Variants in ANK2 observed in about 807,000 individuals in gnomAD.
ANK2 encodes ankyrin-2.
A neutral mutation model predicts 360.5 loss-of-function variants in ANK2; 83 were observed. The ratio of observed to expected loss-of-function variants is 0.23; its 90% CI spans 0.19 to 0.28. The LOEUF is 0.28. ANK2 is among the 10% of genes least tolerant of loss of function. ANK2 has a pLI of 1.00. For synonymous variants in ANK2, 1,740 were observed against 1,759.5 expected (o/e 0.99, Z 0.28); for missense variants, 4,201 against 4,795.7 (o/e 0.88, Z 3.66).
At chr4:113,191,746 T>G (rs2098668431) in intron 2 of ANK2, among the ~76,000 whole-genome samples, 1 of 152,230 alleles carries the variant, frequency 6.6e-6, no homozygotes, top group African/African-American at 2.4e-5. Context: ...CATTGTTTGA[T>G]ACTCTTAAAT....
chr4:113,225,326 T>C (rs2099204551), intron 4 of ANK2, among the ~76,000 whole-genome samples: 1 of 152,192 alleles, frequency 6.6e-6, no homozygotes, highest in South Asian at 2.1e-4. Flanking sequence ...AGATGTATTC[T>C]GTGAATTGTC....
the ANK2 span, among the ~76,000 whole-genome samples, chr4:112,779,375 C>G: frequency 6.6e-6 from 1 of 152,072 alleles, no homozygotes; most frequent in Non-Finnish European, 1.5e-5. Context: ...AAAAATTAGC[C>G]GGGCGTGGTG....
rs58588518 is a variant in ANK2 at position 113,366,391 on chromosome 4, CT to C, written c.11033-1152del. On this transcript the variant is annotated intron_variant, in intron 41 of 45. Transcript: ENST00000357077. ...TTAAATTTCATGACATTCTTGCTTCCTTTTTTTTTTTTTTTTTTTTTTTAAC... is the reference window on the plus strand; with the variant it reads ...TTAAATTTCATGACATTCTTGCTTCCTTTTTTTTTTTTTTTTTTTTTTAAC... 9.5e-3 allele frequency among the ~76,000 whole-genome samples: 1,030 copies of C among 108,356 alleles called. 13 individuals are homozygous for C. Among genetic ancestry groups the C allele is most frequent in the East Asian group, 0.049 (199 of 4,022 alleles). 71.1% of individuals were successfully genotyped at this position (108,356 alleles called of 152,430 possible). A position where few individuals can be genotyped will look rare whatever the true frequency, so the allele number is the denominator to read the frequency against.
chr4:112,810,070 G>A, the ANK2 span, among the ~76,000 whole-genome samples: 3 of 132,148 alleles, frequency 2.3e-5, no homozygotes, highest in Non-Finnish European at 4.8e-5. Flanking sequence ...TTATAATGTT[G>A]CTTTACCATT....
At chr4:113,221,526 G>A (rs2099151443) in intron 4 of ANK2, among the ~76,000 whole-genome samples, 2 of 152,128 alleles carry the variant, frequency 1.3e-5, no homozygotes, top group South Asian at 2.1e-4. Context: ...AGGCATGGTG[G>A]CACAGGCCTG....
rs1167630240 is a variant in ANK2, at chr4:113,251,475, C to CTTT, written c.990+1636_990+1638dup. ...ACCATCAAGATGAATAATACAAAAT[C>CTTT]TTTTTTTTTTTTTTTTTTTTTTTTT... On this transcript the variant is annotated intron_variant, in intron 10 of 45. Coordinates refer to ENST00000357077, the MANE Select transcript of ANK2 (RefSeq NM_001148.6). 6.0e-3 allele frequency among the ~76,000 whole-genome samples: 529 copies of CTTT among 88,126 alleles called. 3 individuals are homozygous for CTTT. Among genetic ancestry groups the CTTT allele is most frequent in the African/African-American group, 6.8e-3 (149 of 21,894 alleles). 57.8% of individuals were successfully genotyped at this position (88,126 alleles called of 152,430 possible).
At chr4:113,060,574 C>A (rs313980) in intron 1 of ANK2, among the ~76,000 whole-genome samples, 128,762 of 151,778 alleles carry the variant, frequency 0.85, 54,858 homozygotes, top group African/African-American at 0.92. Flanking sequence ...TTACACAATT[C>A]AAATAGGATT....
intron 2 of ANK2, among the ~76,000 whole-genome samples, chr4:112,939,611 G>A (rs980238871): frequency 3.9e-5 from 6 of 152,064 alleles, no homozygotes; most frequent in Admixed American, 2.6e-4. Context: ...CACCATGCCC[G>A]GCCAGTTCAT....
the ANK2 span, among the ~76,000 whole-genome samples, chr4:112,744,420 C>T: frequency 2.0e-5 from 3 of 151,130 alleles, no homozygotes; most frequent in African/African-American, 7.3e-5. Context: ...GACCTCGGCT[C>T]ACTGTAGCCC....
chr4:113,283,153 T>G (rs766065010), intron 18 of ANK2, among the ~76,000 whole-genome samples: 1 of 152,202 alleles, frequency 6.6e-6, no homozygotes, highest in African/African-American at 2.4e-5. Flanking sequence ...TGCTTTTCTC[T>G]GTGTGTCTAA....
At chr4:112,948,221 C>T (rs2094685817) in intron 2 of ANK2, among the ~76,000 whole-genome samples, 1 of 152,256 alleles carries the variant, frequency 6.6e-6, no homozygotes, top group Non-Finnish European at 1.5e-5. Context: ...GTCTGTAAGG[C>T]TGCTTGAGGG....
intron 1 of ANK2, among the ~76,000 whole-genome samples, chr4:112,821,816 G>T (rs28707176): frequency 0.29 from 44,377 of 150,528 alleles, 6,673 homozygotes; most frequent in East Asian, 0.35. Flanking sequence ...ACCCAGGCTG[G>T]AGTACATTCG....
intron 7 of ANK2, among the ~76,000 whole-genome samples, chr4:113,238,343 AAGTG>A (rs1471645726): frequency 6.6e-6 from 1 of 152,170 alleles, no homozygotes; most frequent in Non-Finnish European, 1.5e-5. Context: ...ACTCAAAAAC[AAGTG>A]ACTTTTTATG....
rs756720499 is a variant in ANK2, at chr4:113,353,665, C to A, written c.5047C>A (p.Pro1683Thr). 4 of 1,613,908 alleles carry A rather than the reference C, an allele frequency of 2.5e-6. No individual in the cohort carries two copies. Among genetic ancestry groups the A allele is most frequent in the Non-Finnish European group, 2.5e-6 (3 of 1,179,952 alleles). Residue 1683 changes from proline to threonine, a missense_variant, in exon 38 of 46, where the codon CCC becomes ACC. Physicochemically the swap from Pro to Thr is conservative, Grantham distance 38. Coordinates refer to ENST00000357077, the MANE Select transcript of ANK2 (RefSeq NM_001148.6). ...CTCTGAAAAGGAAGGGAAAGACATA[C>A]CCCCAGATGAGACACAGAGTACACA... ...RSSEKEGKDIPPDETQSTQKQ... is the reference protein window; with the variant it reads ...RSSEKEGKDITPDETQSTQKQ...
At position 113,354,261 on chromosome 4, in the gene ANK2, A is replaced by G. The variant is rs1320386111; in HGVS notation, c.5643A>G (p.Val1881=). 1.9e-6 allele frequency: 3 copies of G among 1,613,956 alleles called. No individual in the cohort carries two copies. The highest frequency in any genetic ancestry group is 1.3e-5 in the African/African-American group (1 of 74,906). The change falls in exon 38 of 46, where the codon GTA becomes GTG. Residue 1881 remains valine, a synonymous_variant. Coordinates refer to ENST00000357077, the MANE Select transcript of ANK2 (RefSeq NM_001148.6). ...GTAAAACTGAGAAACACTCACCTGT[A>G]TCACCCTCGACAAAAACTGAAAGGC... The part of the protein sequence containing the change: ...SSSKTEKHSP[V]SPSTKTERHS...
At chr4:113,215,603 T>C (rs192909121) in intron 4 of ANK2, among the ~76,000 whole-genome samples, 32 of 152,250 alleles carry the variant, frequency 2.1e-4, no homozygotes, top group African/African-American at 7.0e-4. Context: ...TTTACCTTGG[T>C]ATAACATAGT....
intron 1 of ANK2, among the ~76,000 whole-genome samples, chr4:112,897,813 A>C (rs895889388): frequency 1.3e-5 from 2 of 152,166 alleles, no homozygotes; most frequent in African/African-American, 4.8e-5. Flanking sequence ...TTGTCTCTGG[A>C]AGAGCTTTTT....
intron 1 of ANK2, among the ~76,000 whole-genome samples, chr4:113,111,468 G>A (rs955624923): frequency 6.6e-6 from 1 of 152,146 alleles, no homozygotes; most frequent in Admixed American, 6.5e-5. Flanking sequence ...AGGGTTAAGA[G>A]GCTTGAGATT....
chr4:112,843,162 TG>T (rs2062518765), intron 1 of ANK2, among the ~76,000 whole-genome samples: 1 of 152,250 alleles, frequency 6.6e-6, no homozygotes, highest in Non-Finnish European at 1.5e-5. Context: ...AAGTCCCGTT[TG>T]CCGTATAAAA....
Sources: allele counts gnomAD v4.1 joint callset (sites outside exome capture counted in the v4.1 genomes callset), GRCh38; gene constraint gnomAD v4.1.1; transcripts MANE v1.5; gene names NCBI Gene and HGNC (gene_info 2026-07-23, HGNC 2026-07-21).